FAM221B: variants seen among roughly 807,000 people sequenced by gnomAD.
FAM221B encodes family with sequence similarity 221 member B.
Under a neutral mutation model 39.8 loss-of-function variants are expected in FAM221B, and 35 were observed. That is an observed-to-expected ratio of 0.88 (90% CI 0.67 to 1.17). The LOEUF is 1.17. FAM221B is among the 50% of genes most tolerant of loss of function. The probability of loss-of-function intolerance (pLI) is 0.00; values close to 1 mark genes in which losing one functional copy is unlikely to be tolerated. For synonymous variants in FAM221B, 158 were observed against 178.1 expected (o/e 0.89, Z 0.90); for missense variants, 479 against 503.1 (o/e 0.95, Z 0.46).
At position 35,818,492 on chromosome 9, in the gene FAM221B, T is replaced by C; in HGVS notation, c.1186A>G (p.Ser396Gly). The C allele has an allele frequency of 1.9e-6, 3 of 1,551,772 alleles. No individual in the cohort carries two copies. The highest frequency in any genetic ancestry group is 2.6e-6 in the Non-Finnish European group (3 of 1,147,016). The change falls in exon 7 of 7, where the codon AGC becomes GGC. Residue 396 changes from serine (S) to glycine (G), a missense_variant. Transcript: ENST00000423537. ...ACTCACAAAGGCCTGTGCCAGTTGC[T>C]GACAGTGTCTGTCCCTGGAGGAAGA... ...GGRPRGTDTVSNWHRPL is the reference protein window; with the variant it reads ...GGRPRGTDTVGNWHRPL
In FAM221B at chr9:35,818,991, A is replaced by T; in HGVS notation, c.1070T>A (p.Phe357Tyr). Residue 357 changes from phenylalanine (F) to tyrosine (Y), a missense_variant, in exon 6 of 7, where the codon TTT becomes TAT. Transcript: ENST00000423537. ...CRHHGCCCGC[F>Y]ESNFLCAACD... ...GGCCGCACAGAGGAAATTAGACTCA[A>T]AACAGCCGCAGCAACAGCCTGGGGC... 6.4e-7 allele frequency: 1 copy of T among 1,551,728 alleles called. No individual in the cohort carries two copies. The highest frequency in any genetic ancestry group is 8.7e-7 in the Non-Finnish European group (1 of 1,147,004).
Position 35,825,910 on chromosome 9 carries a change from A to G in FAM221B, c.252T>C (p.Pro84=), listed in dbSNP as rs750861949. ...AAGCCTCATAGGTAGGGGTCTCTGA[A>G]GGAGTCTCAGAGATGGAAGGCTCCT... is the stretch of plus-strand genomic sequence containing the variant. ...THQEPSISET[P]SETPTYEASL... The change falls in exon 2 of 7, where the codon CCT becomes CCC. Residue 84 remains proline, a synonymous_variant. Coordinates refer to ENST00000423537, the MANE Select transcript of FAM221B (RefSeq NM_001012446.4). The surrounding 1 kb of genome is among the most constrained non-coding windows in gnomAD (Gnocchi z 4.2). 1.2e-6 allele frequency: 2 copies of G among 1,613,998 alleles called. No homozygotes were observed. The highest frequency in any genetic ancestry group is 1.7e-6 in the Non-Finnish European group (2 of 1,179,962).
intron 3 of FAM221B, among the ~76,000 whole-genome samples, chr9:35,820,695 G>A (rs1388474780): frequency 6.6e-6 from 1 of 152,180 alleles, no homozygotes; most frequent in Non-Finnish European, 1.5e-5. Flanking sequence ...CATGAGTGGT[G>A]AAGACCAAAA....
intron 1 of FAM221B, among the ~76,000 whole-genome samples, chr9:35,827,587 C>G (rs989877624): frequency 2.6e-5 from 4 of 152,124 alleles, no homozygotes; most frequent in Non-Finnish European, 4.4e-5. Context: ...CCTTCCTGAC[C>G]CAATCAGGAT....
rs1277189944 is a variant in FAM221B, at chr9:35,824,684, G to GTT, written c.742+544_742+545dup. Among the ~76,000 whole-genome samples the GTT allele has an allele frequency of 5.0e-3, 702 of 140,686 alleles. 5 individuals are homozygous for GTT. The highest frequency in any genetic ancestry group is 0.011 in the South Asian group (48 of 4,396). The allele number at this position is 140,686 out of a possible 152,430, so 92.3% of individuals were successfully genotyped here. ...GTTTTTTTTTGTTTTTTGTTTTTTG[G>GTT]TTTTTTTTTTTTTTTGAGACGGAGT... On this transcript the variant is annotated intron_variant, in intron 3 of 6. Coordinates refer to ENST00000423537, the MANE Select transcript of FAM221B (RefSeq NM_001012446.4).
chr9:35,823,121 C>CTCT (rs1268917084), intron 3 of FAM221B, among the ~76,000 whole-genome samples: 1 of 152,234 alleles, frequency 6.6e-6, no homozygotes, highest in East Asian at 1.9e-4. Flanking sequence ...ACTTGGCCAC[C>CTCT]TCTTCTTACT....
chr9:35,821,339 C>A, intron 3 of FAM221B: 1 of 865,986 alleles, frequency 1.2e-6, no homozygotes. Context: ...CCCTGAGGTT[C>A]CATAACATGA....
Position 35,817,127 on chromosome 9 carries a change from G to A in FAM221B, c.*1342C>T, listed in dbSNP as rs1309314776. The A allele has an allele frequency of 6.6e-6, 1 of 152,230 alleles. No homozygotes were observed. Among genetic ancestry groups the A allele is most frequent in the Non-Finnish European group, 1.5e-5 (1 of 68,034 alleles). 9.4% of individuals were successfully genotyped at this position (152,230 alleles called of 1,614,324 possible). ...CAGAAACTCAGCCTAAAGAGGGACA[G>A]TGACTTGCCTGGGTTCACAGAGCCC... On this transcript the variant is annotated 3_prime_UTR_variant, in exon 7 of 7. Coordinates refer to ENST00000423537, the MANE Select transcript of FAM221B (RefSeq NM_001012446.4).
In FAM221B at chr9:35,819,396, T is replaced by C; in HGVS notation, c.854-2A>G. 3 of 1,550,886 alleles carry C rather than the reference T, an allele frequency of 1.9e-6. No individual in the cohort carries two copies. The highest frequency in any genetic ancestry group is 2.6e-6 in the Non-Finnish European group (3 of 1,146,306). On this transcript the variant is annotated splice_acceptor_variant, in intron 4 of 6. Coordinates refer to ENST00000423537, the MANE Select transcript of FAM221B (RefSeq NM_001012446.4). LOFTEE classifies it high-confidence loss of function. Reference sequence around the variant, plus strand: ...TTACCTTGCAGGGCACCGATATGTCTGTGGGATTGGGGATGGATGGTAGGG... The same window carrying C: ...TTACCTTGCAGGGCACCGATATGTCCGTGGGATTGGGGATGGATGGTAGGG...
rs1220902284 is a variant in FAM221B, at chr9:35,818,019, C to T, written c.*450G>A. On this transcript the variant is annotated 3_prime_UTR_variant, in exon 7 of 7. Transcript: ENST00000423537. ...TACTTCCTTGACTCCACAACTCCCT[C>T]TGGATATTGTCTGACTTTACTTTTG... is the stretch of plus-strand genomic sequence containing the variant. The T allele has an allele frequency of 6.0e-6, 1 of 167,014 alleles. No homozygotes were observed. The allele number at this position is 167,014 out of a possible 1,614,324, so 10.3% of individuals were successfully genotyped here.
rs1244397573 is a variant in FAM221B at position 35,818,907 on chromosome 9, C to T, written c.1154G>A (p.Arg385Gln). Residue 385 changes from arginine to glutamine, a missense_variant, in exon 6 of 7, where the codon CGA (arginine) becomes CAA (glutamine). By Grantham distance (43) the Arg-to-Gln change is conservative. Transcript: ENST00000423537. ...TGCCTCACCGCGAGGCCTTCCTCCT[C>T]GTTGCCGGGTCTTCTGGGTGTCAAA... is the stretch of plus-strand genomic sequence containing the variant. ...TFFDTQKTRQ[R>Q]GGRPRGTDTV... 18 of 1,551,920 alleles carry T rather than the reference C, an allele frequency of 1.2e-5. No homozygotes were observed. In the South Asian group the frequency reaches 1.3e-4, roughly 11 times the overall value.
intron 3 of FAM221B, among the ~76,000 whole-genome samples, chr9:35,822,654 C>A (rs918340676): frequency 2.0e-5 from 3 of 152,076 alleles, no homozygotes; most frequent in Non-Finnish European, 2.9e-5. Context: ...GGTGATCCAC[C>A]CCTTGGCCTC....
At chr9:35,827,425 C>A (rs1829412887) in intron 1 of FAM221B, among the ~76,000 whole-genome samples, 1 of 152,172 alleles carries the variant, frequency 6.6e-6, no homozygotes, top group Non-Finnish European at 1.5e-5. Flanking sequence ...TTTTACTGAC[C>A]CGCTGTGCTA....
chr9:35,825,585 C>T lies in FAM221B; in HGVS notation c.577G>A (p.Ala193Thr). The T allele has an allele frequency of 5.6e-6, 9 of 1,612,472 alleles. No homozygotes were observed. Among genetic ancestry groups the T allele is most frequent in the South Asian group, 1.1e-5 (1 of 90,814 alleles). Residue 193 changes from alanine (A) to threonine (T), a missense_variant, in exon 2 of 7, where the codon GCC becomes ACC. Transcript: ENST00000423537. This position sits in a 1 kb window ranked among gnomAD's most constrained non-coding sequence, Gnocchi z 4.2. ...TTGCCTAGTTGGTGTCCAGGTTGGGCTGTGTGAGCAGTGCTGTCACTGGCA... is the reference window on the plus strand; with the variant it reads ...TTGCCTAGTTGGTGTCCAGGTTGGGTTGTGTGAGCAGTGCTGTCACTGGCA... The part of the protein sequence containing the change: ...VDASDSTAHT[A>T]QPGHQLGNTA...
At chr9:35,822,846 T>C (rs1408866629) in intron 3 of FAM221B, among the ~76,000 whole-genome samples, 2 of 152,218 alleles carry the variant, frequency 1.3e-5, no homozygotes, top group Non-Finnish European at 2.9e-5. Flanking sequence ...GTCTTGTCTT[T>C]CTCCAGTCTA....
chr9:35,826,595 T>C (rs553084863), intron 1 of FAM221B, among the ~76,000 whole-genome samples: 4 of 152,078 alleles, frequency 2.6e-5, no homozygotes, highest in Admixed American at 6.5e-5. Flanking sequence ...CTCCTGAGAG[T>C]GCAGGGGAAT....
rs1829045746 is a variant in FAM221B at position 35,817,511 on chromosome 9, C to G, written c.*958G>C. 6.6e-6 allele frequency: 1 copy of G among 152,312 alleles called. No homozygotes were observed. The highest frequency in any genetic ancestry group is 2.4e-5 in the African/African-American group (1 of 41,442). 9.4% of individuals were successfully genotyped at this position (152,312 alleles called of 1,614,324 possible). A position where few individuals can be genotyped will look rare whatever the true frequency, so the allele number is the denominator to read the frequency against. ...GTTTTCCTGATCTTCCTCCCTGACA[C>G]CCTCACATCATCAACCCATTAAATA... On this transcript the variant is annotated 3_prime_UTR_variant, in exon 7 of 7. Coordinates refer to ENST00000423537, the MANE Select transcript of FAM221B (RefSeq NM_001012446.4).
intron 1 of FAM221B, 55 bp from the exon 2 acceptor site, chr9:35,826,216 G>T: frequency 7.2e-7 from 1 of 1,393,206 alleles, no homozygotes; most frequent in Non-Finnish European, 9.8e-7. Flanking sequence ...GGGCCGGCAA[G>T]TCAGGGCAGA....
In FAM221B at chr9:35,825,576, C is replaced by T; in HGVS notation, c.586G>A (p.Gly196Arg). ...SDSTAHTAQPGHQLGNTARPV... is the reference protein window; with the variant it reads ...SDSTAHTAQPRHQLGNTARPV... Reference sequence around the variant, plus strand: ...TTCTTCTTCTTGCCTAGTTGGTGTCCAGGTTGGGCTGTGTGAGCAGTGCTG... The same window carrying T: ...TTCTTCTTCTTGCCTAGTTGGTGTCTAGGTTGGGCTGTGTGAGCAGTGCTG... Residue 196 changes from glycine (G) to arginine (R), a missense_variant, in exon 2 of 7, where the codon GGA becomes AGA. Coordinates refer to ENST00000423537, the MANE Select transcript of FAM221B (RefSeq NM_001012446.4). This position sits in a 1 kb window ranked among gnomAD's most constrained non-coding sequence, Gnocchi z 4.2. 6 of 1,610,508 alleles carry T rather than the reference C, an allele frequency of 3.7e-6. No homozygotes were observed. Among genetic ancestry groups the T allele is most frequent in the Non-Finnish European group, 5.1e-6 (6 of 1,178,234 alleles).
Sources: gnomAD v4.1 joint callset for allele counts (sites outside exome capture counted in the v4.1 genomes callset) on GRCh38, gnomAD v4.1.1 for gene constraint, Gnocchi (gnomAD v3.1) non-coding constraint, MANE v1.5 for transcripts, NCBI Gene and HGNC (gene_info 2026-07-23, HGNC 2026-07-21) for gene names.